Variants in OPRPN observed in about 807,000 individuals in gnomAD.
OPRPN encodes the protein opiorphin prepropeptide, also known as basic proline-rich lacrimal protein.
Under a neutral mutation model 2.2 loss-of-function variants are expected in OPRPN, and 1 was observed. That is an observed-to-expected ratio of 0.45 (90% CI 0.16 to 2.15). The LOEUF is 2.15. Ranked by LOEUF, OPRPN falls within the 30% of genes most tolerant of loss-of-function variation. The probability of loss-of-function intolerance (pLI) is 0.28; values close to 1 mark genes in which losing one functional copy is unlikely to be tolerated. For missense variants in OPRPN, 306 were observed against 297.3 expected, an observed-to-expected ratio of 1.03 and a Z score of -0.21; for synonymous variants, 126 against 111.5, an observed-to-expected ratio of 1.13 and a Z score of -0.82.
In OPRPN at chr4:70,409,692, C is replaced by A. The variant is rs537300537; in HGVS notation, c.364C>A (p.Pro122Thr). ...TGTAGGACCTATTAGGATATTAAAACCCCCATTTCCTCCTATTCCTTTTTT... is the reference window on the plus strand; with the variant it reads ...TGTAGGACCTATTAGGATATTAAAAACCCCATTTCCTCCTATTCCTTTTTT... ...YYVGPIRILKPPFPPIPFFLA... is the reference protein window; with the variant it reads ...YYVGPIRILKTPFPPIPFFLA... The change falls in exon 3 of 3, where the codon CCC becomes ACC. Residue 122 changes from proline to threonine, a missense_variant. Pro to Thr is a conservative substitution (Grantham distance 38). Coordinates refer to ENST00000399575, the MANE Select transcript of OPRPN (RefSeq NM_021225.5). The A allele has an allele frequency of 5.0e-6, 8 of 1,613,424 alleles. No individual in the cohort carries two copies. The East Asian group carries it at 1.8e-4, about 36-fold the overall frequency.
At chr4:70,400,268 A>G (rs546470656) in intron 2 of OPRPN, among the ~76,000 whole-genome samples, 13 of 152,070 alleles carry the variant, frequency 8.5e-5, no homozygotes, top group African/African-American at 3.1e-4. Flanking sequence ...TTTTCATAAT[A>G]TAGTATCTAC....
intron 1 of OPRPN, 150 bp from the exon 2 acceptor site, chr4:70,399,121 T>C: frequency 2.1e-6 from 1 of 486,004 alleles, no homozygotes; most frequent in Non-Finnish European, 3.7e-6. Flanking sequence ...CTGCTTCCTC[T>C]CCCCAAAATA....
intron 2 of OPRPN, among the ~76,000 whole-genome samples, chr4:70,401,220 T>A (rs913277485): frequency 2.6e-5 from 4 of 152,000 alleles, no homozygotes; most frequent in African/African-American, 9.7e-5. Flanking sequence ...AAAACATGAG[T>A]TTAATACATA....
chr4:70,401,243 T>C (rs976228910), intron 2 of OPRPN, among the ~76,000 whole-genome samples: 1 of 152,040 alleles, frequency 6.6e-6, no homozygotes, highest in Non-Finnish European at 1.5e-5. Flanking sequence ...TTTTCTCATG[T>C]TAGAATTAAA....
At chr4:70,398,141 G>A (rs1732900745) in intron 1 of OPRPN, 101 bp downstream of exon 1, 1 of 151,426 alleles carries the variant, frequency 6.6e-6, no homozygotes, top group Non-Finnish European at 1.5e-5. Context: ...AATGGAAATA[G>A]CCTCGTTACC....
rs1474710795 is a variant in OPRPN at position 70,399,598 on chromosome 4, G to C, written c.51+262G>C. ...ATCTAGGAGAGCTAGCTCTTATCTA[G>C]AGATATCTCTTCCTTTTTATTTCTT... On this transcript the variant is annotated intron_variant, in intron 2 of 2. Coordinates refer to ENST00000399575, the MANE Select transcript of OPRPN (RefSeq NM_021225.5). 7 of 290,220 alleles carry C rather than the reference G, an allele frequency of 2.4e-5. No homozygotes were observed. In the East Asian group the frequency reaches 3.8e-4, roughly 16 times the overall value. 18.0% of individuals were successfully genotyped at this position (290,220 alleles called of 1,614,324 possible).
Position 70,410,069 on chromosome 4 carries a change from TG to T in OPRPN, c.743del (p.Gly248ValfsTer16), listed in dbSNP as rs1488115265. The T allele has an allele frequency of 6.5e-7, 1 of 1,540,210 alleles. No individual in the cohort carries two copies. The highest frequency in any genetic ancestry group is 1.4e-5 in the African/African-American group (1 of 72,246). On this transcript the variant is annotated frameshift_variant, in exon 3 of 3. Coordinates refer to ENST00000399575, the MANE Select transcript of OPRPN (RefSeq NM_021225.5). LOFTEE classifies it high-confidence loss of function. The part of the protein sequence containing the change: ...SFWQKLFAIF[G>X] ...TTTGGCAAAAACTCTTTGCCATTTT[TG>T]GTTGAACATGCAATAAATGATATTT...
At chr4:70,402,758 G>A (rs145204282) in intron 2 of OPRPN, among the ~76,000 whole-genome samples, 64 of 151,976 alleles carry the variant, frequency 4.2e-4, no homozygotes, top group African/African-American at 1.4e-3. Flanking sequence ...ACCTGAAGTG[G>A]GTGAAAAAGC....
At chr4:70,403,943 C>T (rs960003217) in intron 2 of OPRPN, among the ~76,000 whole-genome samples, 8 of 152,102 alleles carry the variant, frequency 5.3e-5, no homozygotes, top group Non-Finnish European at 1.2e-4. Context: ...TTTTCCTTCT[C>T]TCTATTGATT....
intron 2 of OPRPN, among the ~76,000 whole-genome samples, chr4:70,406,310 C>G (rs2109771625): frequency 6.6e-6 from 1 of 152,222 alleles, no homozygotes; most frequent in East Asian, 1.9e-4. Flanking sequence ...AGACACAAAG[C>G]TAAAGAAGAT....
At position 70,399,333 on chromosome 4, in the gene OPRPN, C is replaced by T. The variant is rs1732925332; in HGVS notation, c.48C>T (p.Phe16=). Reference sequence around the variant, plus strand: ...GCCTGTTGGCTCTTATTTCATGTTTCACAGTAAGTTCCCTCAATTCTAAAT... The same window carrying T: ...GCCTGTTGGCTCTTATTTCATGTTTTACAGTAAGTTCCCTCAATTCTAAAT... ...FLGLLALISC[F]TPSESQRFSR... The change falls in exon 2 of 3, where the codon TTC becomes TTT. Residue 16 remains phenylalanine (F), a synonymous_variant. Coordinates refer to ENST00000399575, the MANE Select transcript of OPRPN (RefSeq NM_021225.5). The T allele has an allele frequency of 6.3e-7, 1 of 1,588,930 alleles. No homozygotes were observed. Among genetic ancestry groups the T allele is most frequent in the Admixed American group, 1.7e-5 (1 of 59,546 alleles).
intron 2 of OPRPN, among the ~76,000 whole-genome samples, chr4:70,408,911 C>G (rs1291100438): frequency 6.6e-6 from 1 of 152,118 alleles, no homozygotes; most frequent in African/African-American, 2.4e-5. Context: ...TTCTCTTTGT[C>G]CCTAGAAAGA....
At chr4:70,408,554 A>G (rs1733139582) in intron 2 of OPRPN, among the ~76,000 whole-genome samples, 1 of 152,218 alleles carries the variant, frequency 6.6e-6, no homozygotes, top group Admixed American at 6.5e-5. Flanking sequence ...ATAGAGTACA[A>G]AATCACTCAA....
chr4:70,403,464 TG>T (rs1157630690), intron 2 of OPRPN, among the ~76,000 whole-genome samples: 1 of 152,194 alleles, frequency 6.6e-6, no homozygotes, highest in Non-Finnish European at 1.5e-5. Context: ...CAAGGCAATA[TG>T]GCATGTAAAA....
At chr4:70,403,984 A>T (rs1733036843) in intron 2 of OPRPN, among the ~76,000 whole-genome samples, 1 of 152,110 alleles carries the variant, frequency 6.6e-6, no homozygotes, top group Non-Finnish European at 1.5e-5. Context: ...ATGAGGTAAT[A>T]TCATTTATAT....
Position 70,410,037 on chromosome 4 carries a change from A to G in OPRPN, c.709A>G (p.Lys237Glu). 1.9e-6 allele frequency: 3 copies of G among 1,568,152 alleles called. No homozygotes were observed. The highest frequency in any genetic ancestry group is 1.2e-5 in the South Asian group (1 of 84,466). ...NQTILSSPAF[K>E]SFWQKLFAIF... Reference sequence around the variant, plus strand: ...AACTATATTAAGCAGCCCAGCCTTTAAAAGTTTTTGGCAAAAACTCTTTGC... The same window carrying G: ...AACTATATTAAGCAGCCCAGCCTTTGAAAGTTTTTGGCAAAAACTCTTTGC... Residue 237 changes from lysine (K) to glutamate (E), a missense_variant, in exon 3 of 3, where the codon AAA becomes GAA. Transcript: ENST00000399575.
chr4:70,402,147 CAAACTCTAG>C (rs1560532651), intron 2 of OPRPN, among the ~76,000 whole-genome samples: 1 of 152,048 alleles, frequency 6.6e-6, no homozygotes, highest in Non-Finnish European at 1.5e-5. Flanking sequence ...CCAAACTCTA[CAAACTCTAG>C]AAACTCTATC....
intron 2 of OPRPN, among the ~76,000 whole-genome samples, chr4:70,405,763 A>G (rs746731779): frequency 2.6e-5 from 4 of 152,124 alleles, no homozygotes; most frequent in Non-Finnish European, 5.9e-5. Flanking sequence ...ATTTATTCAA[A>G]AACATTTACT....
At chr4:70,406,735 T>C (rs1038709803) in intron 2 of OPRPN, among the ~76,000 whole-genome samples, 10 of 152,088 alleles carry the variant, frequency 6.6e-5, no homozygotes, top group African/African-American at 1.9e-4. Context: ...AAAGATGAGA[T>C]TGGATGGCGG....
Sources: allele counts gnomAD v4.1 joint callset (sites outside exome capture counted in the v4.1 genomes callset), GRCh38; gene constraint gnomAD v4.1.1; transcripts MANE v1.5; gene names NCBI Gene and HGNC (gene_info 2026-07-23, HGNC 2026-07-21).